The following POLR3C variants were observed in gnomAD, a reference collection of about 807,000 sequenced individuals.
POLR3C encodes the protein DNA-directed RNA polymerase III subunit RPC3.
POLR3C carries 44 observed loss-of-function variants against 65.9 expected under a neutral mutation model. The observed-to-expected ratio is 0.67, with a 90% CI of 0.52 to 0.86. The LOEUF (loss-of-function observed/expected upper bound fraction) is 0.86, where lower values mean the gene tolerates loss of function less well. POLR3C is among the 40% of genes least tolerant of loss of function. The pLI is 0.00. For synonymous variants in POLR3C, 263 were observed against 231.6 expected, an observed-to-expected ratio of 1.14 and a Z score of -1.23; for missense variants, 576 against 653.2, an observed-to-expected ratio of 0.88 and a Z score of 1.29.
chr1:145,827,493 T>C (rs868935975), intron 4 of POLR3C, among the ~76,000 whole-genome samples: 5 of 151,810 alleles, frequency 3.3e-5, no homozygotes, highest in Admixed American at 2.0e-4. Flanking sequence ...GGCATGGTGG[T>C]TCACGCCTGT....
chr1:145,827,541 C>T (rs139137885), intron 4 of POLR3C, among the ~76,000 whole-genome samples: 4,739 of 152,026 alleles, frequency 0.031, 101 homozygotes, highest in Non-Finnish European at 0.047. Flanking sequence ...GGGCGGATCA[C>T]GAGGTCAGGA....
chr1:145,836,135 TTTGAGACGGAG>T, intron 7 of POLR3C, among the ~76,000 whole-genome samples: 1 of 151,930 alleles, frequency 6.6e-6, no homozygotes. Flanking sequence ...TTTTTTTTTT[TTTGAGACGGAG>T]TTTCGCCCTT....
intron 8 of POLR3C, 87 bp from the exon 9 acceptor site, chr1:145,836,728 G>GC: frequency 1.0e-6 from 1 of 992,652 alleles, no homozygotes; most frequent in Non-Finnish European, 1.6e-6. Context: ...AGGGCTACCT[G>GC]CTGCAGACTT....
intron 5 of POLR3C, among the ~76,000 whole-genome samples, chr1:145,830,321 A>C (rs1239437212): frequency 4.6e-5 from 7 of 151,686 alleles, no homozygotes; most frequent in African/African-American, 1.7e-4. Context: ...AAAAAAAAAA[A>C]CCCAGTTAGG....
rs782311700 is a variant in POLR3C at position 145,833,243 on chromosome 1, C to T, written c.679-17C>T. On this transcript the variant is annotated splice_polypyrimidine_tract_variant and intron_variant, in intron 5 of 14. Coordinates refer to ENST00000334163, the MANE Select transcript of POLR3C (RefSeq NM_006468.8). ...CTTTACACTATAGCTAAATGTTTCT[C>T]TAAATCTTTTCCTCAGCCCATTCCA... 1 of 1,502,096 alleles carries T rather than the reference C, an allele frequency of 6.7e-7. No homozygotes were observed. Among genetic ancestry groups the T allele is most frequent in the Non-Finnish European group, 9.2e-7 (1 of 1,086,050 alleles). 93.0% of individuals were successfully genotyped at this position (1,502,096 alleles called of 1,614,324 possible).
At chr1:145,839,729 T>C in intron 11 of POLR3C, 161 bp from the exon 12 acceptor site, 1 of 586,896 alleles carries the variant, frequency 1.7e-6, no homozygotes, top group Admixed American at 3.0e-5. Flanking sequence ...AGACCCAGTC[T>C]CAAAATAAAT....
chr1:145,843,998 T>C lies in POLR3C; in HGVS notation c.*1578T>C, dbSNP rs1553731428. ...ACATCTCACCCCAATTCATTACTTT[T>C]ATCAAGAAGAAAGAATGAATGCTAG... On this transcript the variant is annotated 3_prime_UTR_variant, in exon 15 of 15. Coordinates refer to ENST00000334163, the MANE Select transcript of POLR3C (RefSeq NM_006468.8). Among the ~76,000 whole-genome samples, 1 of 152,190 alleles carries C rather than the reference T, an allele frequency of 6.6e-6. No homozygotes were observed. The highest frequency in any genetic ancestry group is 1.9e-4 in the East Asian group (1 of 5,190).
chr1:145,841,965 C>T (rs774413770), intron 14 of POLR3C, among the ~76,000 whole-genome samples: 10 of 152,166 alleles, frequency 6.6e-5, no homozygotes, highest in Non-Finnish European at 1.0e-4. Flanking sequence ...TGGCTTTTGT[C>T]AGGCTGAAGA....
At chr1:145,827,779 A>AAAT (rs1491254351) in intron 4 of POLR3C, among the ~76,000 whole-genome samples, 11 of 143,058 alleles carry the variant, frequency 7.7e-5, no homozygotes, top group African/African-American at 2.7e-4. Context: ...AAAAAAAAAA[A>AAAT]TAGCCAGGTA....
rs782192952 is a variant in POLR3C, at chr1:145,842,817, A to AGATAGATAGATAGATAGATAGAT, written c.*397_*398insGATAGATAGATAGATAGATAGAT. ...GTGATAGATAGATAGATAGATAGAT[A>AGATAGATAGATAGATAGATAGAT]ATTTGTTGTTGTTGAGACAGGATCT... On this transcript the variant is annotated 3_prime_UTR_variant, in exon 15 of 15. Coordinates refer to ENST00000334163, the MANE Select transcript of POLR3C (RefSeq NM_006468.8). 6.6e-6 allele frequency among the ~76,000 whole-genome samples: 1 copy of AGATAGATAGATAGATAGATAGAT among 151,822 alleles called. No individual in the cohort carries two copies. The highest frequency in any genetic ancestry group is 2.1e-4 in the South Asian group (1 of 4,806).
rs781982697 is a variant in POLR3C at position 145,828,494 on chromosome 1, A to C, written c.590-255A>C. On this transcript the variant is annotated intron_variant, in intron 4 of 14. Transcript: ENST00000334163. ...TGACATCTGTGTGTCTGACTTGCACATGTGGGAGGATGATATCACTGGCCA... is the reference window on the plus strand; with the variant it reads ...TGACATCTGTGTGTCTGACTTGCACCTGTGGGAGGATGATATCACTGGCCA... 2.0e-5 allele frequency among the ~76,000 whole-genome samples: 3 copies of C among 152,342 alleles called. No homozygotes were observed. In the East Asian group the frequency reaches 5.8e-4, roughly 29 times the overall value.
At chr1:145,841,958 C>T (rs587629677) in intron 14 of POLR3C, among the ~76,000 whole-genome samples, 1 of 152,220 alleles carries the variant, frequency 6.6e-6, no homozygotes, top group African/African-American at 2.4e-5. Context: ...TCCTAGATGG[C>T]TTTTGTCAGG....
intron 14 of POLR3C, among the ~76,000 whole-genome samples, chr1:145,842,021 C>T (rs1188466702): frequency 6.6e-6 from 1 of 152,148 alleles, no homozygotes; most frequent in African/African-American, 2.4e-5. Context: ...GCTTCAGACA[C>T]TCTTAGTTTC....
In POLR3C at chr1:145,840,964, A is replaced by C. The variant is rs781807434; in HGVS notation, c.1416A>C (p.Ala472=). The C allele has an allele frequency of 6.2e-7, 1 of 1,611,662 alleles. No individual in the cohort carries two copies. The highest frequency in any genetic ancestry group is 2.2e-5 in the East Asian group (1 of 44,866). The change falls in exon 14 of 15, where the codon GCA becomes GCC. Residue 472 remains alanine (A), a synonymous_variant. Transcript: ENST00000334163. ...EKSQRVEAII[A]SMQATGAEEA... ...CTCAGAGGGTAGAAGCCATCATTGC[A>C]TCTATGCAGGCTACTGGTGCAGAGG...
rs587673248 is a variant in POLR3C at position 145,827,020 on chromosome 1, C to T, written c.589+15C>T. 4.4e-6 allele frequency: 7 copies of T among 1,575,292 alleles called. No individual in the cohort carries two copies. The African/African-American group carries it at 8.2e-5, about 18-fold the overall frequency. On this transcript the variant is annotated intron_variant, in intron 4 of 14. Coordinates refer to ENST00000334163, the MANE Select transcript of POLR3C (RefSeq NM_006468.8). Reference sequence around the variant, plus strand: ...CAGCTTGATAGGTAAGGAATTTTAACCCCTGGAACTGTGACTTGCCTTAAT... The same window carrying T: ...CAGCTTGATAGGTAAGGAATTTTAATCCCTGGAACTGTGACTTGCCTTAAT...
intron 1 of POLR3C, among the ~76,000 whole-genome samples, chr1:145,824,846 A>C (rs1436814766): frequency 6.6e-6 from 1 of 151,988 alleles, no homozygotes; most frequent in Non-Finnish European, 1.5e-5. Context: ...ACTGAGAATA[A>C]CACTGCCTGT....
chr1:145,828,639 C>T, intron 4 of POLR3C, 110 bp from the exon 5 acceptor site: 2 of 761,804 alleles, frequency 2.6e-6, no homozygotes, highest in Non-Finnish European at 4.6e-6. Flanking sequence ...CAACTCTGAT[C>T]TAGAGGCAGC....
At position 145,838,210 on chromosome 1, in the gene POLR3C, A is replaced by G; in HGVS notation, c.1221+4A>G. 1 of 1,612,710 alleles carries G rather than the reference A, an allele frequency of 6.2e-7. No individual in the cohort carries two copies. The highest frequency in any genetic ancestry group is 8.5e-7 in the Non-Finnish European group (1 of 1,178,814). On this transcript the variant is annotated splice_donor_region_variant and intron_variant, in intron 11 of 14. Coordinates refer to ENST00000334163, the MANE Select transcript of POLR3C (RefSeq NM_006468.8). ...AGAAAATTTCATGTCACTCCAGGTAACCAACCAAGGGCGTAATAATTGCCA... is the reference window on the plus strand; with the variant it reads ...AGAAAATTTCATGTCACTCCAGGTAGCCAACCAAGGGCGTAATAATTGCCA...
At position 145,843,001 on chromosome 1, in the gene POLR3C, T is replaced by G. The variant is rs1024133832; in HGVS notation, c.*581T>G. On this transcript the variant is annotated 3_prime_UTR_variant, in exon 15 of 15. Transcript: ENST00000334163. ...GCTATTTTTTATTTATTTATTTATTTTTTTGTAGAGACAGGGCCTCCCTGT... is the reference window on the plus strand; with the variant it reads ...GCTATTTTTTATTTATTTATTTATTGTTTTGTAGAGACAGGGCCTCCCTGT... 6.6e-6 allele frequency among the ~76,000 whole-genome samples: 1 copy of G among 152,138 alleles called. No individual in the cohort carries two copies. Among genetic ancestry groups the G allele is most frequent in the Non-Finnish European group, 1.5e-5 (1 of 68,030 alleles).
Sources: gnomAD v4.1 joint callset for allele counts (sites outside exome capture counted in the v4.1 genomes callset) on GRCh38, gnomAD v4.1.1 for gene constraint, MANE v1.5 for transcripts, NCBI Gene and HGNC (gene_info 2026-07-23, HGNC 2026-07-21) for gene names.